KCNH5: variants seen among roughly 807,000 people sequenced by gnomAD.
KCNH5 encodes voltage-gated delayed rectifier potassium channel KCNH5.
In KCNH5, 46 loss-of-function variants were observed where a neutral mutation model predicts 96.1. The ratio of observed to expected loss-of-function variants is 0.48; its 90% CI spans 0.38 to 0.61. The LOEUF (loss-of-function observed/expected upper bound fraction) is 0.61. Ranked by LOEUF, KCNH5 falls within the 20% of genes least tolerant of loss-of-function variation. The pLI, the probability that KCNH5 is intolerant of heterozygous loss-of-function variation, is 0.00. For synonymous variants in KCNH5, 439 were observed against 449.8 expected (o/e 0.98, Z 0.30); for missense variants, 907 against 1,225.8 (o/e 0.74, Z 3.88).
intron 9 of KCNH5, among the ~76,000 whole-genome samples, chr14:62,789,772 G>T (rs1219252772): frequency 1.3e-5 from 2 of 151,560 alleles, no homozygotes; most frequent in East Asian, 3.9e-4. Flanking sequence ...TTTTTAATAG[G>T]GTTATTTATT....
intron 1 of KCNH5, among the ~76,000 whole-genome samples, chr14:63,042,119 A>ATCTC (rs150106722): frequency 1.2e-4 from 18 of 149,290 alleles, no homozygotes; most frequent in Non-Finnish European, 1.5e-4. Flanking sequence ...ATGTCCCATA[A>ATCTC]TCTCTCTCTC....
chr14:63,006,303 C>A (rs1031124002), intron 3 of KCNH5, 63 bp downstream of exon 3: 18 of 1,054,432 alleles, frequency 1.7e-5, no homozygotes, highest in African/African-American at 4.7e-5. Flanking sequence ...AGCTCCACTA[C>A]GACTTACCAA....
At chr14:62,912,658 G>A (rs1157246120) in intron 7 of KCNH5, among the ~76,000 whole-genome samples, 1 of 151,974 alleles carries the variant, frequency 6.6e-6, no homozygotes, top group Non-Finnish European at 1.5e-5. Context: ...CGCCAGCCTC[G>A]GCCTCCCAAA....
At chr14:63,020,829 G>A (rs926919434) in intron 1 of KCNH5, among the ~76,000 whole-genome samples, 21 of 152,038 alleles carry the variant, frequency 1.4e-4, no homozygotes, top group Admixed American at 3.9e-4. Flanking sequence ...GGATAACTCC[G>A]TCTGACCAGA....
intron 7 of KCNH5, among the ~76,000 whole-genome samples, chr14:62,918,036 C>T (rs1407178597): frequency 6.6e-6 from 1 of 152,126 alleles, no homozygotes; most frequent in Non-Finnish European, 1.5e-5. Context: ...AAAACCATGG[C>T]TTTGGCATCA....
intron 2 of KCNH5, among the ~76,000 whole-genome samples, chr14:63,012,221 G>A (rs1007410570): frequency 3.3e-5 from 5 of 152,106 alleles, no homozygotes; most frequent in Non-Finnish European, 7.4e-5. Flanking sequence ...TTAAACATGC[G>A]ATACTTTTCA....
chr14:62,757,918 G>A (rs997747931), intron 10 of KCNH5, among the ~76,000 whole-genome samples: 2 of 152,090 alleles, frequency 1.3e-5, no homozygotes, highest in African/African-American at 4.8e-5. Flanking sequence ...GGCTACGGTG[G>A]GTGGATCACC....
intron 8 of KCNH5, among the ~76,000 whole-genome samples, chr14:62,814,078 AG>A (rs1244077628): frequency 6.6e-6 from 1 of 152,204 alleles, no homozygotes; most frequent in Non-Finnish European, 1.5e-5. Flanking sequence ...TAGCAATAAA[AG>A]GCTGCCGCAA....
At chr14:63,020,987 A>G (rs527703379) in intron 1 of KCNH5, among the ~76,000 whole-genome samples, 1 of 152,304 alleles carries the variant, frequency 6.6e-6, no homozygotes, top group South Asian at 2.1e-4. Flanking sequence ...AAATTCCTCT[A>G]TAAATAAATG....
intron 10 of KCNH5, among the ~76,000 whole-genome samples, chr14:62,774,657 C>T (rs146988626): frequency 7.2e-5 from 11 of 152,210 alleles, no homozygotes; most frequent in African/African-American, 2.4e-4. Flanking sequence ...TAATGAATAC[C>T]ATTTTGTCAT....
intron 7 of KCNH5, among the ~76,000 whole-genome samples, chr14:62,856,738 A>G (rs1413340558): frequency 6.6e-6 from 1 of 151,914 alleles, no homozygotes; most frequent in East Asian, 1.9e-4. Context: ...CCATATATGT[A>G]GGCACCCTCT....
At chr14:62,905,718 G>A (rs1467518121) in intron 7 of KCNH5, among the ~76,000 whole-genome samples, 1 of 152,246 alleles carries the variant, frequency 6.6e-6, no homozygotes, top group Admixed American at 6.5e-5. Flanking sequence ...TGTTACTGAA[G>A]CCAGCCTTCC....
intron 6 of KCNH5, among the ~76,000 whole-genome samples, chr14:62,965,696 T>C (rs771078295): frequency 1.3e-5 from 2 of 152,180 alleles, no homozygotes; most frequent in African/African-American, 2.4e-5. Flanking sequence ...CAGTCATTCA[T>C]AACACTAAAG....
intron 8 of KCNH5, among the ~76,000 whole-genome samples, chr14:62,821,551 T>C (rs1258904430): frequency 1.3e-5 from 2 of 152,134 alleles, no homozygotes; most frequent in Admixed American, 6.6e-5. Context: ...TCACATTATT[T>C]AAAGGGGCTT....
chr14:62,978,148 A>G (rs566644967), intron 6 of KCNH5, among the ~76,000 whole-genome samples: 2 of 152,264 alleles, frequency 1.3e-5, no homozygotes, highest in Admixed American at 6.5e-5. Flanking sequence ...AGCTCTACAG[A>G]AAGTTTTTTA....
chr14:62,711,631 G>A (rs1484213586), intron 10 of KCNH5, among the ~76,000 whole-genome samples: 2 of 152,128 alleles, frequency 1.3e-5, no homozygotes, highest in African/African-American at 4.8e-5. Context: ...CCAATCTCAG[G>A]AGCCAGCAAT....
chr14:62,902,218 T>C (rs1357020056), intron 7 of KCNH5, among the ~76,000 whole-genome samples: 1 of 112,936 alleles, frequency 8.9e-6, no homozygotes, highest in Non-Finnish European at 1.9e-5. Flanking sequence ...TTAGTTTCAT[T>C]AGTTCCCATG....
At position 62,786,365 on chromosome 14, in the gene KCNH5, C is replaced by T. The variant is rs1595621881; in HGVS notation, c.1823-6441G>A. Among the ~76,000 whole-genome samples the T allele has an allele frequency of 2.0e-5, 3 of 152,214 alleles. No individual in the cohort carries two copies. The East Asian group carries it at 5.8e-4, about 29-fold the overall frequency. On this transcript the variant is annotated intron_variant, in intron 9 of 10. Transcript: ENST00000322893. ...TTTGAAGATTTTTCTATATAATGAA[C>T]TTAATCCATGCCTTCACTTCTTTTT... is the stretch of plus-strand genomic sequence containing the variant.
At chr14:62,866,605 C>T (rs1888139278) in intron 7 of KCNH5, among the ~76,000 whole-genome samples, 1 of 152,136 alleles carries the variant, frequency 6.6e-6, no homozygotes, top group African/African-American at 2.4e-5. Flanking sequence ...CATAACCTGA[C>T]AGTAGGTTAA....
Sources: allele counts gnomAD v4.1 joint callset (sites outside exome capture counted in the v4.1 genomes callset), GRCh38; gene constraint gnomAD v4.1.1; transcripts MANE v1.5; gene names NCBI Gene and HGNC (gene_info 2026-07-23, HGNC 2026-07-21).